ADAM9: variants seen among roughly 807,000 people sequenced by gnomAD.
ADAM9 encodes disintegrin and metalloproteinase domain-containing protein 9.
Under a neutral mutation model 108.1 loss-of-function variants are expected in ADAM9, and 54 were observed. The ratio of observed to expected loss-of-function variants is 0.50; its 90% CI spans 0.40 to 0.63. The LOEUF (loss-of-function observed/expected upper bound fraction) is 0.63. ADAM9 is among the 20% of genes least tolerant of loss of function. The probability of loss-of-function intolerance (pLI) is 0.00; values close to 1 mark genes in which losing one functional copy is unlikely to be tolerated. For missense variants in ADAM9, 830 were observed against 997.7 expected (o/e 0.83, Z 2.26); for synonymous variants, 316 against 336.0 (o/e 0.94, Z 0.65).
intron 14 of ADAM9, among the ~76,000 whole-genome samples, chr8:39,066,732 C>T (rs1838490448): frequency 1.3e-5 from 2 of 152,166 alleles, no homozygotes; most frequent in African/African-American, 4.8e-5. Flanking sequence ...GTTTCTTTTG[C>T]TGTGCAGAAG....
chr8:39,094,520 T>A (rs1158784832), intron 20 of ADAM9, among the ~76,000 whole-genome samples: 1 of 152,228 alleles, frequency 6.6e-6, no homozygotes, highest in Non-Finnish European at 1.5e-5. Context: ...TTTAAATGTT[T>A]GGTAGAATTC....
intron 11 of ADAM9, among the ~76,000 whole-genome samples, chr8:39,031,813 A>C (rs944837036): frequency 1.3e-5 from 2 of 152,140 alleles, no homozygotes; most frequent in Admixed American, 6.5e-5. Flanking sequence ...TTTGATGCTG[A>C]TGACCTACAG....
chr8:39,045,371 T>C (rs191371159), intron 12 of ADAM9, among the ~76,000 whole-genome samples: 2 of 73,822 alleles, frequency 2.7e-5, no homozygotes, highest in East Asian at 1.1e-3. Flanking sequence ...TAGGTGTGTG[T>C]ACATACACCT....
chr8:39,039,674 C>A (rs73602720), intron 11 of ADAM9, among the ~76,000 whole-genome samples: 15 of 152,188 alleles, frequency 9.9e-5, no homozygotes, highest in Non-Finnish European at 2.2e-4. Context: ...GCTTGCTTCA[C>A]GCAGCATAAC....
intron 15 of ADAM9, 117 bp downstream of exon 15, chr8:39,071,520 G>T: frequency 1.1e-6 from 1 of 907,684 alleles, no homozygotes; most frequent in Non-Finnish European, 1.7e-6. Flanking sequence ...AGGCTGGAGT[G>T]CAGTGGCGCG....
intron 14 of ADAM9, among the ~76,000 whole-genome samples, chr8:39,064,891 G>C (rs560927986): frequency 6.6e-6 from 1 of 152,140 alleles, no homozygotes; most frequent in African/African-American, 2.4e-5. Flanking sequence ...CAGAGTTGCT[G>C]TTGGAAAGTC....
chr8:39,001,145 AACC>A (rs1835980283), intron 1 of ADAM9, among the ~76,000 whole-genome samples: 1 of 152,184 alleles, frequency 6.6e-6, no homozygotes. Flanking sequence ...TCTTGGGCCT[AACC>A]TCCCATCCCA....
At chr8:38,998,928 C>A (rs188467118) in intron 1 of ADAM9, among the ~76,000 whole-genome samples, 1 of 152,212 alleles carries the variant, frequency 6.6e-6, no homozygotes, top group African/African-American at 2.4e-5. Flanking sequence ...GACTTCACCC[C>A]GTAGGAAGTT....
intron 14 of ADAM9, among the ~76,000 whole-genome samples, chr8:39,065,190 C>T (rs1838418816): frequency 6.8e-6 from 1 of 146,594 alleles, no homozygotes; most frequent in Admixed American, 6.7e-5. Context: ...TCTTTCCTGT[C>T]TTTTTATCTG....
intron 11 of ADAM9, among the ~76,000 whole-genome samples, chr8:39,031,082 T>G (rs1191601021): frequency 6.6e-6 from 1 of 152,236 alleles, no homozygotes; most frequent in Non-Finnish European, 1.5e-5. Context: ...TTTAATATTT[T>G]AATTCTTTCA....
At chr8:39,078,791 T>C (rs1838930340) in intron 16 of ADAM9, among the ~76,000 whole-genome samples, 1 of 152,022 alleles carries the variant, frequency 6.6e-6, no homozygotes, top group South Asian at 2.1e-4. Context: ...AAAAATAAAG[T>C]AAAATAAAAT....
At chr8:39,016,502 A>G (rs1836531447) in intron 5 of ADAM9, among the ~76,000 whole-genome samples, 1 of 152,198 alleles carries the variant, frequency 6.6e-6, no homozygotes, top group African/African-American at 2.4e-5. Flanking sequence ...TTTCACTTGT[A>G]TTATTTAAGA....
chr8:39,041,414 A>C (rs573651287), intron 11 of ADAM9, among the ~76,000 whole-genome samples: 1 of 152,354 alleles, frequency 6.6e-6, no homozygotes, highest in East Asian at 1.9e-4. Flanking sequence ...AGTAGCTGAA[A>C]TTCTACACTG....
At chr8:39,074,157 C>T (rs1271063495) in intron 15 of ADAM9, among the ~76,000 whole-genome samples, 2 of 152,124 alleles carry the variant, frequency 1.3e-5, no homozygotes, top group African/African-American at 4.8e-5. Context: ...CTTTTCTACC[C>T]ATTGAAACTA....
At chr8:39,082,844 T>A in intron 17 of ADAM9, 123 bp downstream of exon 17, 1 of 1,358,810 alleles carries the variant, frequency 7.4e-7, no homozygotes, top group Non-Finnish European at 1.0e-6. Context: ...GATAAAATTT[T>A]CATTCTTAAA....
chr8:39,056,675 C>G (rs895772950), intron 14 of ADAM9, among the ~76,000 whole-genome samples: 12 of 152,272 alleles, frequency 7.9e-5, no homozygotes, highest in Non-Finnish European at 1.5e-4. Flanking sequence ...TTCTGTTTCT[C>G]TCTCTCTCTT....
At chr8:39,101,563 T>G (rs1839694728) in intron 20 of ADAM9, among the ~76,000 whole-genome samples, 1 of 152,222 alleles carries the variant, frequency 6.6e-6, no homozygotes, top group African/African-American at 2.4e-5. Context: ...ATGCACAAAA[T>G]TATTTAAAAT....
chr8:39,002,119 T>A (rs1173588019), intron 1 of ADAM9, among the ~76,000 whole-genome samples: 1 of 150,990 alleles, frequency 6.6e-6, no homozygotes, highest in African/African-American at 2.4e-5. Context: ...GCTTTGTAGA[T>A]CTAATTGAAA....
chr8:39,031,016 A>G (rs1238367253), intron 11 of ADAM9, among the ~76,000 whole-genome samples: 3 of 152,204 alleles, frequency 2.0e-5, no homozygotes, highest in Non-Finnish European at 4.4e-5. Flanking sequence ...AATATTTTCT[A>G]CTAGTCTGCA....
Sources: allele counts gnomAD v4.1 joint callset (sites outside exome capture counted in the v4.1 genomes callset), GRCh38; gene constraint gnomAD v4.1.1; transcripts MANE v1.5; gene names NCBI Gene and HGNC (gene_info 2026-07-23, HGNC 2026-07-21).